The following BTBD9 variants were observed in gnomAD, a reference collection of about 807,000 sequenced individuals.
BTBD9 encodes BTB/POZ domain-containing protein 9.
A neutral mutation model predicts 64.3 loss-of-function variants in BTBD9; 49 were observed. The observed-to-expected ratio is 0.76, with a 90% CI of 0.61 to 0.97. BTBD9 has a LOEUF of 0.97. BTBD9 is among the 50% of genes least tolerant of loss of function. BTBD9 has a pLI of 0.00. For synonymous variants in BTBD9, 260 were observed against 274.7 expected, an observed-to-expected ratio of 0.95 and a Z score of 0.53; for missense variants, 598 against 762.1, an observed-to-expected ratio of 0.78 and a Z score of 2.53.
chr6:38,359,196 A>G (rs1764856458), intron 6 of BTBD9, among the ~76,000 whole-genome samples: 1 of 152,200 alleles, frequency 6.6e-6, no homozygotes, highest in South Asian at 2.1e-4. Context: ...GAAACCACTC[A>G]GTCTCAGGCA....
chr6:38,599,116 A>G (rs1777160497), intron 1 of BTBD9, among the ~76,000 whole-genome samples: 1 of 152,068 alleles, frequency 6.6e-6, no homozygotes, highest in Admixed American at 6.6e-5. Context: ...ACATCATTAC[A>G]TTTTGTCTCA....
intron 9 of BTBD9, among the ~76,000 whole-genome samples, chr6:38,250,459 G>A (rs1764352565): frequency 6.6e-6 from 1 of 152,100 alleles, no homozygotes; most frequent in African/African-American, 2.4e-5. Flanking sequence ...TTCCAAGAGG[G>A]GAACAAGTTT....
chr6:38,206,346 A>G (rs559570099), intron 9 of BTBD9, among the ~76,000 whole-genome samples: 120 of 151,874 alleles, frequency 7.9e-4, no homozygotes, highest in African/African-American at 2.9e-3. Flanking sequence ...GGTTCAAGCA[A>G]TTCTCTGCCT....
At chr6:38,614,905 T>C (rs1406191639) in intron 1 of BTBD9, among the ~76,000 whole-genome samples, 1 of 152,164 alleles carries the variant, frequency 6.6e-6, no homozygotes, top group African/African-American at 2.4e-5. Flanking sequence ...ATAAACCATT[T>C]CCCTCATCCT....
At chr6:38,188,312 C>G (rs1761907163) in intron 10 of BTBD9, among the ~76,000 whole-genome samples, 1 of 152,230 alleles carries the variant, frequency 6.6e-6, no homozygotes, top group African/African-American at 2.4e-5. Flanking sequence ...TACACACTGT[C>G]CAGGCCACTT....
intron 8 of BTBD9, among the ~76,000 whole-genome samples, chr6:38,271,349 C>T (rs1396023100): frequency 6.6e-6 from 1 of 152,026 alleles, no homozygotes; most frequent in Non-Finnish European, 1.5e-5. Context: ...TATATTGTCC[C>T]CAAACTAAAT....
At chr6:38,309,435 T>A (rs1354073137) in intron 7 of BTBD9, among the ~76,000 whole-genome samples, 6 of 151,998 alleles carry the variant, frequency 3.9e-5, no homozygotes, top group Admixed American at 2.0e-4. Flanking sequence ...TAATACTTTT[T>A]TTTTTTGAGA....
chr6:38,356,593 A>T (rs1582284528), intron 6 of BTBD9, among the ~76,000 whole-genome samples: 1 of 152,022 alleles, frequency 6.6e-6, no homozygotes, highest in Admixed American at 6.5e-5. Context: ...CATTTTTTTT[A>T]AAGTTTCCAT....
At chr6:38,574,334 C>A (rs1775928913) in intron 6 of BTBD9, among the ~76,000 whole-genome samples, 1 of 151,930 alleles carries the variant, frequency 6.6e-6, no homozygotes, top group South Asian at 2.1e-4. Context: ...TTTTACCAAC[C>A]AAAATATATG....
At position 38,577,565 on chromosome 6, in the gene BTBD9, G is replaced by T. The variant is rs771431737; in HGVS notation, c.1154+35C>A. ...TCCAAGTCCAAATCTCCTTATATAA[G>T]AATAAAAATCATTTATTAACCACTG... is the stretch of plus-strand genomic sequence containing the variant. On this transcript the variant is annotated intron_variant, in intron 6 of 10. Coordinates refer to ENST00000481247, the MANE Select transcript of BTBD9 (RefSeq NM_001099272.2). The T allele has an allele frequency of 4.5e-6, 7 of 1,571,452 alleles. No homozygotes were observed. The South Asian group carries it at 7.0e-5, about 16-fold the overall frequency.
At chr6:38,490,668 G>A (rs1771666877) in intron 6 of BTBD9, among the ~76,000 whole-genome samples, 1 of 152,148 alleles carries the variant, frequency 6.6e-6, no homozygotes, top group Non-Finnish European at 1.5e-5. Context: ...TGAAAGAAGG[G>A]AAGTCAGTGC....
chr6:38,494,191 C>A (rs561728956), intron 6 of BTBD9, among the ~76,000 whole-genome samples: 20 of 152,318 alleles, frequency 1.3e-4, no homozygotes, highest in African/African-American at 4.3e-4. Context: ...AGTAGCAAAT[C>A]TTTTCATGTT....
chr6:38,466,014 T>C (rs1365333796), intron 6 of BTBD9, among the ~76,000 whole-genome samples: 3 of 150,690 alleles, frequency 2.0e-5, no homozygotes, highest in Non-Finnish European at 4.4e-5. Context: ...GGTCTCACTA[T>C]GTTGTCCAGG....
At chr6:38,210,375 A>G (rs964713667) in intron 9 of BTBD9, among the ~76,000 whole-genome samples, 10 of 152,192 alleles carry the variant, frequency 6.6e-5, no homozygotes, top group African/African-American at 2.4e-4. Flanking sequence ...GCTCAAACAC[A>G]TAAACAGACT....
intron 6 of BTBD9, among the ~76,000 whole-genome samples, chr6:38,468,361 A>T (rs1770491140): frequency 6.6e-6 from 1 of 152,164 alleles, no homozygotes; most frequent in African/African-American, 2.4e-5. Flanking sequence ...CACACCTTAT[A>T]TTGCAGCCAA....
At chr6:38,510,813 C>G (rs1772740326) in intron 6 of BTBD9, among the ~76,000 whole-genome samples, 1 of 152,128 alleles carries the variant, frequency 6.6e-6, no homozygotes, top group South Asian at 2.1e-4. Context: ...CACATCTTGT[C>G]CCACTGGAAG....
rs144232797 is a variant in BTBD9 at position 38,284,483 on chromosome 6, G to C, written c.1454+3789C>G. ...ACATGAAGAGCCTGTTTGTTTCTCT[G>C]AGTTGTCACCCTGATAATAACCTCA... On this transcript the variant is annotated intron_variant, in intron 8 of 10. Transcript: ENST00000481247. Among the ~76,000 whole-genome samples, 7 of 152,250 alleles carry C rather than the reference G, an allele frequency of 4.6e-5. No homozygotes were observed. The East Asian group carries it at 1.4e-3, about 29-fold the overall frequency.
intron 6 of BTBD9, among the ~76,000 whole-genome samples, chr6:38,417,215 A>G (rs1767707068): frequency 1.3e-5 from 2 of 152,254 alleles, no homozygotes; most frequent in East Asian, 3.9e-4. Context: ...AAGCACCAGG[A>G]TTATAGGCAT....
chr6:38,304,625 A>G (rs1762557150), intron 7 of BTBD9, among the ~76,000 whole-genome samples: 1 of 151,822 alleles, frequency 6.6e-6, no homozygotes, highest in South Asian at 2.1e-4. Context: ...TTGTTTGTTT[A>G]TAAAGACAGG....
Sources: allele counts gnomAD v4.1 joint callset (sites outside exome capture counted in the v4.1 genomes callset), GRCh38; gene constraint gnomAD v4.1.1; transcripts MANE v1.5; gene names NCBI Gene and HGNC (gene_info 2026-07-23, HGNC 2026-07-21).